GCNT2: variants seen among roughly 807,000 people sequenced by gnomAD.
GCNT2 encodes the protein glucosaminyl (N-acetyl) transferase 2 (I blood group), also known as N-acetyllactosaminide beta-1,6-N-acetylglucosaminyl-transferase.
Under a neutral mutation model 34.2 loss-of-function variants are expected in GCNT2, and 34 were observed. The observed-to-expected ratio is 1.00, with a 90% confidence interval of 0.76 to 1.32. GCNT2 has a LOEUF of 1.32. Among genes scored for constraint, GCNT2 ranks in the 40% most tolerant of loss-of-function variants. GCNT2 has a pLI of 0.00. For missense variants in GCNT2, 584 were observed against 489.4 expected (o/e 1.19, Z -1.82); for synonymous variants, 212 against 188.0 (o/e 1.13, Z -1.04).
Position 10,627,134 on chromosome 6 carries a change from T to A in GCNT2, c.*527T>A. On this transcript the variant is annotated 3_prime_UTR_variant, in exon 5 of 5. Transcript: ENST00000495262. ...TGGAGAATACATCTTGTTTCTGAGTTTCAACACTAGCATTTTTGGCTTACT... is the reference window on the plus strand; with the variant it reads ...TGGAGAATACATCTTGTTTCTGAGTATCAACACTAGCATTTTTGGCTTACT... 6.2e-6 allele frequency: 1 copy of A among 160,340 alleles called. No individual in the cohort carries two copies. Among genetic ancestry groups the A allele is most frequent in the Non-Finnish European group, 1.4e-5 (1 of 72,240 alleles). 9.9% of individuals were successfully genotyped at this position (160,340 alleles called of 1,614,324 possible).
At chr6:10,569,960 CTT>C (rs1763480946) in intron 3 of GCNT2, among the ~76,000 whole-genome samples, 1 of 146,640 alleles carries the variant, frequency 6.8e-6, no homozygotes, top group South Asian at 2.2e-4. Flanking sequence ...TCCTTCCTTC[CTT>C]CCTTTCTTTC....
At chr6:10,580,753 C>T (rs1306153513) in intron 3 of GCNT2, among the ~76,000 whole-genome samples, 1 of 152,196 alleles carries the variant, frequency 6.6e-6, no homozygotes, top group Non-Finnish European at 1.5e-5. Context: ...GTAAACTCAC[C>T]TGCAGTGGAA....
chr6:10,526,357 T>A (rs2113489127), intron 1 of GCNT2, among the ~76,000 whole-genome samples: 1 of 152,306 alleles, frequency 6.6e-6, no homozygotes, highest in South Asian at 2.1e-4. Flanking sequence ...CTTGTCATCA[T>A]TTCCTGTGTT....
chr6:10,588,762 G>GGTGTGTTTGTAGT (rs1435600553), intron 3 of GCNT2, among the ~76,000 whole-genome samples: 14 of 148,200 alleles, frequency 9.4e-5, no homozygotes, highest in Non-Finnish European at 1.3e-4. Flanking sequence ...GTGTGTGTGT[G>GGTGTGTTTGTAGT]GTGTGTTTGT....
chr6:10,591,860 C>T (rs1764661551), intron 3 of GCNT2, among the ~76,000 whole-genome samples: 1 of 152,184 alleles, frequency 6.6e-6, no homozygotes, highest in Non-Finnish European at 1.5e-5. Context: ...ACTGTAAACA[C>T]TGAGCTATTT....
chr6:10,548,698 T>C (rs1762363388), intron 3 of GCNT2, among the ~76,000 whole-genome samples: 1 of 152,264 alleles, frequency 6.6e-6, no homozygotes, highest in Admixed American at 6.5e-5. Context: ...TTCACCGTTT[T>C]GTTGCAGGCA....
rs1761341658 is a variant in GCNT2 at position 10,529,080 on chromosome 6, G to A, written c.169G>A (p.Val57Ile). 1 of 1,607,828 alleles carries A rather than the reference G, an allele frequency of 6.2e-7. No homozygotes were observed. The highest frequency in any genetic ancestry group is 1.1e-5 in the South Asian group (1 of 90,936). The change falls in exon 3 of 5, where the codon GTT (valine) becomes ATT (isoleucine). Residue 57 changes from valine to isoleucine, a missense_variant. Coordinates refer to ENST00000495262, the MANE Select transcript of GCNT2 (RefSeq NM_145649.5). ...EACHQIFEGK[V>I]FYPTENALKT... is the part of the protein sequence containing the mutation. Reference sequence around the variant, plus strand: ...CTGTCATCAGATTTTTGAGGGGAAAGTTTTTTACCCAACAGAAAATGCATT... The same window carrying A: ...CTGTCATCAGATTTTTGAGGGGAAAATTTTTTACCCAACAGAAAATGCATT...
chr6:10,524,352 AG>A (rs1199795445), intron 1 of GCNT2, among the ~76,000 whole-genome samples: 1 of 151,402 alleles, frequency 6.6e-6, no homozygotes, highest in African/African-American at 2.4e-5. Flanking sequence ...CCGGGGTTCA[AG>A]CGATTCTCCT....
At chr6:10,541,475 C>T (rs954194997) in intron 3 of GCNT2, among the ~76,000 whole-genome samples, 8 of 152,120 alleles carry the variant, frequency 5.3e-5, no homozygotes, top group Non-Finnish European at 7.4e-5. Context: ...AGTGAACATA[C>T]GCGTGCATGT....
intron 3 of GCNT2, among the ~76,000 whole-genome samples, chr6:10,534,131 C>T (rs1202296813): frequency 9.6e-6 from 1 of 103,862 alleles, no homozygotes; most frequent in East Asian, 3.9e-4. Flanking sequence ...CTGCCAGATT[C>T]CATGCTGCTC....
chr6:10,610,773 T>C (rs6456581), intron 3 of GCNT2, among the ~76,000 whole-genome samples: 19,711 of 152,174 alleles, frequency 0.13, 2,061 homozygotes, highest in African/African-American at 0.29. Context: ...CAACAAGTTC[T>C]TTAGCACATC....
At chr6:10,563,957 C>T (rs1404255280) in intron 3 of GCNT2, among the ~76,000 whole-genome samples, 1 of 151,702 alleles carries the variant, frequency 6.6e-6, no homozygotes, top group African/African-American at 2.4e-5. Flanking sequence ...GCAATTACTG[C>T]GAATATTCTG....
chr6:10,524,320 G>C (rs56658420), intron 1 of GCNT2, among the ~76,000 whole-genome samples: 1 of 149,550 alleles, frequency 6.7e-6, no homozygotes. Context: ...GCACGATCTC[G>C]GCTCACCGCA....
chr6:10,568,199 C>T (rs1048823270), intron 3 of GCNT2, among the ~76,000 whole-genome samples: 2 of 152,086 alleles, frequency 1.3e-5, no homozygotes, highest in African/African-American at 2.4e-5. Context: ...GCTCCCAGGC[C>T]TTCTGCCACA....
At chr6:10,567,538 T>C (rs1441847151) in intron 3 of GCNT2, among the ~76,000 whole-genome samples, 1 of 152,230 alleles carries the variant, frequency 6.6e-6, no homozygotes, top group East Asian at 1.9e-4. Flanking sequence ...TAGAGGAATA[T>C]TAACTTTTAG....
intron 3 of GCNT2, among the ~76,000 whole-genome samples, chr6:10,530,909 C>T (rs187526165): frequency 6.6e-6 from 1 of 152,014 alleles, no homozygotes; most frequent in Non-Finnish European, 1.5e-5. Context: ...CAAAAATTAG[C>T]CAGGCGTGGT....
chr6:10,529,005 A>G lies in GCNT2; in HGVS notation c.94A>G (p.Lys32Glu). The change falls in exon 3 of 5, where the codon AAA (lysine) becomes GAA (glutamate). Residue 32 changes from lysine (K) to glutamate (E), a missense_variant. Coordinates refer to ENST00000495262, the MANE Select transcript of GCNT2 (RefSeq NM_145649.5). ...FVYNTELWEN[K>E]RFLRAALSNA... ...TTACAATACTGAGTTATGGGAGAAT[A>G]AACGTTTTCTGAGGGCAGCTCTGTC... The G allele has an allele frequency of 1.2e-6, 2 of 1,614,024 alleles. No homozygotes were observed. The highest frequency in any genetic ancestry group is 2.2e-5 in the South Asian group (2 of 91,086).
chr6:10,574,684 A>C (rs1343753017), intron 3 of GCNT2: 1 of 366,688 alleles, frequency 2.7e-6, no homozygotes, highest in Non-Finnish European at 5.2e-6. Flanking sequence ...TGAGCCAAGA[A>C]TGTTTTTTGT....
chr6:10,563,479 C>T (rs1018911427), intron 3 of GCNT2, among the ~76,000 whole-genome samples: 7 of 151,994 alleles, frequency 4.6e-5, no homozygotes, highest in Non-Finnish European at 1.0e-4. Flanking sequence ...TGGTGGCTCA[C>T]GCCTATAATC....
Sources: allele counts gnomAD v4.1 joint callset (sites outside exome capture counted in the v4.1 genomes callset), GRCh38; gene constraint gnomAD v4.1.1; transcripts MANE v1.5; gene names NCBI Gene and HGNC (gene_info 2026-07-23, HGNC 2026-07-21).